The following CWC27 variants were observed in gnomAD, a reference collection of about 807,000 sequenced individuals.
CWC27 encodes CWC27 spliceosome associated cyclophilin.
In CWC27, 47 loss-of-function variants were observed where a neutral mutation model predicts 63.6. The observed-to-expected ratio is 0.74, with a 90% CI of 0.58 to 0.94. The LOEUF is 0.94. Ranked by LOEUF, CWC27 falls within the 40% of genes least tolerant of loss-of-function variation. CWC27 has a pLI of 0.00. For synonymous variants in CWC27, 175 were observed against 179.8 expected, an observed-to-expected ratio of 0.97 and a Z score of 0.22; for missense variants, 495 against 554.3, an observed-to-expected ratio of 0.89 and a Z score of 1.07.
chr5:64,788,216 C>T (rs1490073234), intron 6 of CWC27, among the ~76,000 whole-genome samples: 1 of 151,912 alleles, frequency 6.6e-6, no homozygotes, highest in Admixed American at 6.6e-5. Context: ...TTTATCTTAA[C>T]AATAAACTCT....
chr5:64,808,026 T>C, intron 10 of CWC27: 1 of 1,362,812 alleles, frequency 7.3e-7, no homozygotes, highest in Non-Finnish European at 9.4e-7. Flanking sequence ...TTGGTCTTCC[T>C]GCTCTGGAGA....
chr5:64,888,047 C>G (rs1368124819), intron 11 of CWC27, among the ~76,000 whole-genome samples: 2 of 151,858 alleles, frequency 1.3e-5, no homozygotes, highest in East Asian at 3.9e-4. Flanking sequence ...TTTCTAAAAA[C>G]AGTACTCCGA....
intron 1 of CWC27, among the ~76,000 whole-genome samples, chr5:64,770,584 T>G (rs1395716290): frequency 1.3e-5 from 2 of 152,196 alleles, no homozygotes; most frequent in Non-Finnish European, 2.9e-5. Flanking sequence ...TTTAGTTTTT[T>G]TCATGGTATT....
intron 7 of CWC27, among the ~76,000 whole-genome samples, chr5:64,790,238 GA>G (rs757671620): frequency 2.0e-5 from 3 of 152,096 alleles, no homozygotes; most frequent in South Asian, 2.1e-4. Context: ...CCCTTGTTCA[GA>G]GTTGCTTTAG....
intron 10 of CWC27, among the ~76,000 whole-genome samples, chr5:64,826,542 A>G (rs939368426): frequency 1.3e-5 from 2 of 152,154 alleles, no homozygotes; most frequent in African/African-American, 4.8e-5. Context: ...GTTAATGTTT[A>G]GATTATACCT....
intron 11 of CWC27, among the ~76,000 whole-genome samples, chr5:64,889,316 C>T (rs1372416300): frequency 6.6e-6 from 1 of 152,152 alleles, no homozygotes; most frequent in African/African-American, 2.4e-5. Context: ...GATCACTAAT[C>T]TATGGTCACG....
At chr5:64,925,864 A>G (rs1580730246) in intron 11 of CWC27, among the ~76,000 whole-genome samples, 1 of 152,214 alleles carries the variant, frequency 6.6e-6, no homozygotes, top group South Asian at 2.1e-4. Context: ...TATGTGTGTC[A>G]TGTTGCTTTT....
At chr5:64,895,504 A>AT (rs1393220661) in intron 11 of CWC27, among the ~76,000 whole-genome samples, 1 of 152,158 alleles carries the variant, frequency 6.6e-6, no homozygotes, top group Non-Finnish European at 1.5e-5. Context: ...ACAAACATAA[A>AT]TTTTTCCTGG....
At chr5:64,834,027 G>T (rs1404029012) in intron 10 of CWC27, among the ~76,000 whole-genome samples, 2 of 150,570 alleles carry the variant, frequency 1.3e-5, no homozygotes, top group Non-Finnish European at 3.0e-5. Context: ...CTAAACATGA[G>T]ATGGAGGAAA....
At chr5:64,876,717 C>A (rs753740869) in intron 10 of CWC27, among the ~76,000 whole-genome samples, 1 of 151,882 alleles carries the variant, frequency 6.6e-6, no homozygotes, top group Non-Finnish European at 1.5e-5. Flanking sequence ...TAATATTTCT[C>A]GTGACATAAG....
At chr5:64,839,153 G>A (rs1311468338) in intron 10 of CWC27, among the ~76,000 whole-genome samples, 2 of 152,162 alleles carry the variant, frequency 1.3e-5, no homozygotes, top group African/African-American at 2.4e-5. Context: ...AATAAGTGAA[G>A]TACTTGTATT....
intron 1 of CWC27, among the ~76,000 whole-genome samples, chr5:64,772,918 C>T (rs1462535809): frequency 6.7e-6 from 1 of 149,520 alleles, no homozygotes; most frequent in Non-Finnish European, 1.5e-5. Flanking sequence ...GCCTGCGCAA[C>T]GGGGTGAGAC....
At chr5:64,776,196 A>G (rs1743447800) in intron 2 of CWC27, among the ~76,000 whole-genome samples, 1 of 152,020 alleles carries the variant, frequency 6.6e-6, no homozygotes, top group Admixed American at 6.6e-5. Context: ...TCAGGTAGGT[A>G]GTTCAGTCAG....
At chr5:64,928,625 G>A (rs1397408289) in intron 11 of CWC27, among the ~76,000 whole-genome samples, 1 of 152,114 alleles carries the variant, frequency 6.6e-6, no homozygotes, top group African/African-American at 2.4e-5. Context: ...CCATGGGAAT[G>A]ATAAGCCAGA....
chr5:64,941,677 A>AT (rs1270483254), intron 11 of CWC27, among the ~76,000 whole-genome samples: 1 of 152,066 alleles, frequency 6.6e-6, no homozygotes, highest in Non-Finnish European at 1.5e-5. Context: ...TAGAAATCAT[A>AT]TTTTTTACAC....
chr5:64,888,600 A>G (rs997763000), intron 11 of CWC27, among the ~76,000 whole-genome samples: 2 of 149,398 alleles, frequency 1.3e-5, no homozygotes, highest in African/African-American at 2.4e-5. Context: ...TAATTTATAA[A>G]TAATATAAAT....
intron 13 of CWC27, among the ~76,000 whole-genome samples, chr5:65,005,893 G>A (rs1040576022): frequency 2.6e-5 from 4 of 151,916 alleles, no homozygotes; most frequent in Admixed American, 1.3e-4. Context: ...AGAAATCCTA[G>A]GAAAATATCA....
intron 13 of CWC27, among the ~76,000 whole-genome samples, chr5:64,998,623 A>G (rs1161490711): frequency 1.3e-5 from 2 of 151,628 alleles, no homozygotes; most frequent in Non-Finnish European, 2.9e-5. Context: ...AAAACTCCAA[A>G]CTGAGGGGGC....
At chr5:64,866,717 C>A (rs1746539381) in intron 10 of CWC27, among the ~76,000 whole-genome samples, 1 of 152,014 alleles carries the variant, frequency 6.6e-6, no homozygotes, top group Non-Finnish European at 1.5e-5. Context: ...TCCCAAATTT[C>A]TCTCTATTAT....
Sources: allele counts gnomAD v4.1 joint callset (sites outside exome capture counted in the v4.1 genomes callset), GRCh38; gene constraint gnomAD v4.1.1; transcripts MANE v1.5; gene names NCBI Gene and HGNC (gene_info 2026-07-23, HGNC 2026-07-21).